SDK1: variants seen among roughly 807,000 people sequenced by gnomAD.
The protein encoded by SDK1 is protein sidekick-1.
A neutral mutation model predicts 245.5 loss-of-function variants in SDK1; 157 were observed. The ratio of observed to expected loss-of-function variants is 0.64; its 90% CI spans 0.56 to 0.73. The LOEUF (loss-of-function observed/expected upper bound fraction) is 0.73. SDK1 is among the 30% of genes least tolerant of loss of function. SDK1 has a pLI of 0.00. For synonymous variants in SDK1, 1,647 were observed against 1,278.5 expected (o/e 1.29, Z -6.15); for missense variants, 3,583 against 3,002.3 (o/e 1.19, Z -4.52).
At chr7:3,843,834 C>T (rs1006597225) in intron 5 of SDK1, among the ~76,000 whole-genome samples, 1 of 151,782 alleles carries the variant, frequency 6.6e-6, no homozygotes, top group Admixed American at 6.6e-5. Context: ...TTGATGAGCA[C>T]AACAAAATGA....
intron 1 of SDK1, among the ~76,000 whole-genome samples, chr7:3,361,284 C>T (rs1223489638): frequency 1.3e-5 from 2 of 152,164 alleles, no homozygotes; most frequent in African/African-American, 2.4e-5. Context: ...ATTTTAAAAC[C>T]CGAATTGAAA....
chr7:3,926,861 A>G (rs1368805544), intron 5 of SDK1, among the ~76,000 whole-genome samples: 1 of 152,204 alleles, frequency 6.6e-6, no homozygotes, highest in East Asian at 1.9e-4. Flanking sequence ...CTTACCTGTA[A>G]AACAGGAACC....
At chr7:3,981,587 T>C (rs541702255) in intron 13 of SDK1, among the ~76,000 whole-genome samples, 6 of 152,334 alleles carry the variant, frequency 3.9e-5, no homozygotes, top group Middle Eastern at 6.8e-3. Context: ...ACATTTAAAG[T>C]GCTCCAGGGA....
chr7:4,229,449 C>T (rs528981584), intron 40 of SDK1, among the ~76,000 whole-genome samples: 8 of 152,116 alleles, frequency 5.3e-5, no homozygotes, highest in Non-Finnish European at 8.8e-5. Flanking sequence ...CTAAATAAAT[C>T]GTTCTGCGTT....
At chr7:3,749,005 CACACTT>C (rs1212357635) in intron 4 of SDK1, among the ~76,000 whole-genome samples, 14 of 152,316 alleles carry the variant, frequency 9.2e-5, no homozygotes, top group African/African-American at 3.4e-4. Flanking sequence ...CAACCCAACT[CACACTT>C]AGATGGAGAC....
intron 1 of SDK1, among the ~76,000 whole-genome samples, chr7:3,514,284 A>G (rs1445697163): frequency 1.3e-5 from 2 of 152,158 alleles, no homozygotes; most frequent in East Asian, 3.9e-4. Flanking sequence ...GTCTCCTGTT[A>G]TTTCTTGGGT....
intron 5 of SDK1, among the ~76,000 whole-genome samples, chr7:3,832,473 G>T (rs569530882): frequency 1.3e-5 from 2 of 152,144 alleles, no homozygotes; most frequent in Non-Finnish European, 2.9e-5. Context: ...ATTACAGCAG[G>T]TAATTAAAAT....
intron 13 of SDK1, among the ~76,000 whole-genome samples, chr7:3,985,160 G>A (rs892993552): frequency 6.6e-6 from 1 of 152,210 alleles, no homozygotes; most frequent in Non-Finnish European, 1.5e-5. Context: ...CCCACCATGA[G>A]TCCACCCAAG....
At chr7:3,933,289 T>A (rs1302858724) in intron 5 of SDK1, among the ~76,000 whole-genome samples, 2 of 151,866 alleles carry the variant, frequency 1.3e-5, no homozygotes, top group African/African-American at 2.4e-5. Flanking sequence ...TTAAAAAAAA[T>A]GTTTCTAGAT....
chr7:3,306,654 A>G (rs1244538232), intron 1 of SDK1, among the ~76,000 whole-genome samples: 1 of 152,196 alleles, frequency 6.6e-6, no homozygotes, highest in East Asian at 1.9e-4. Flanking sequence ...CTGCAAGTTA[A>G]GTGGGTAATT....
intron 25 of SDK1, among the ~76,000 whole-genome samples, chr7:4,116,265 T>A (rs1880858): frequency 0.041 from 6,168 of 152,220 alleles, 313 homozygotes; most frequent in African/African-American, 0.11. Flanking sequence ...CTAATGCTCA[T>A]CTTATCCGTG....
intron 4 of SDK1, among the ~76,000 whole-genome samples, chr7:3,814,221 T>G (rs996082938): frequency 5.3e-5 from 8 of 151,748 alleles, no homozygotes; most frequent in African/African-American, 1.9e-4. Context: ...GCCTAGGTTA[T>G]CTTCTAGGGT....
intron 1 of SDK1, among the ~76,000 whole-genome samples, chr7:3,554,602 G>C (rs1461833304): frequency 1.3e-5 from 2 of 152,100 alleles, no homozygotes; most frequent in African/African-American, 2.4e-5. Context: ...CCAAGAATCA[G>C]GTGAGCAATC....
intron 5 of SDK1, among the ~76,000 whole-genome samples, chr7:3,891,033 T>C (rs1012646744): frequency 2.0e-5 from 3 of 152,180 alleles, no homozygotes; most frequent in African/African-American, 7.2e-5. Flanking sequence ...GTGTTTTACA[T>C]TTTGGGACCC....
At chr7:3,835,176 G>T (rs1243296674) in intron 5 of SDK1, among the ~76,000 whole-genome samples, 1 of 152,150 alleles carries the variant, frequency 6.6e-6, no homozygotes, top group East Asian at 1.9e-4. Context: ...TGACTTGAAG[G>T]TCACTCTGAC....
At chr7:3,970,744 C>T (rs6462503) in intron 11 of SDK1, among the ~76,000 whole-genome samples, 4,271 of 152,264 alleles carry the variant, frequency 0.028, 199 homozygotes, top group African/African-American at 0.092. Context: ...CTATTAGTGA[C>T]GTAAGCATTC....
intron 1 of SDK1, among the ~76,000 whole-genome samples, chr7:3,435,245 A>G (rs1779985149): frequency 6.7e-6 from 1 of 149,698 alleles, no homozygotes; most frequent in African/African-American, 2.5e-5. Flanking sequence ...ATTAAAACAG[A>G]TTATACTGGA....
chr7:3,309,074 C>T (rs1170523053), intron 1 of SDK1, among the ~76,000 whole-genome samples: 1 of 152,056 alleles, frequency 6.6e-6, no homozygotes, highest in East Asian at 1.9e-4. Context: ...AAGGTATAAC[C>T]TATCATACTT....
chr7:3,439,446 GT>G (rs1320685612), intron 1 of SDK1, among the ~76,000 whole-genome samples: 6 of 152,114 alleles, frequency 3.9e-5, no homozygotes, highest in Admixed American at 1.3e-4. Context: ...ATGTTAGATT[GT>G]TTCGGGTTTG....
Sources: gnomAD v4.1 joint callset for allele counts (sites outside exome capture counted in the v4.1 genomes callset) on GRCh38, gnomAD v4.1.1 for gene constraint, MANE v1.5 for transcripts, NCBI Gene and HGNC (gene_info 2026-07-23, HGNC 2026-07-21) for gene names.